MYRIP: variants seen among roughly 807,000 people sequenced by gnomAD.
MYRIP encodes rab effector MyRIP.
A neutral mutation model predicts 98.0 loss-of-function variants in MYRIP; 49 were observed. That is an observed-to-expected ratio of 0.50 (90% CI 0.40 to 0.63). The LOEUF (loss-of-function observed/expected upper bound fraction) is 0.63. Among genes scored for constraint, MYRIP ranks in the 30% least tolerant of loss-of-function variants. MYRIP has a pLI of 0.00. For synonymous variants in MYRIP, 404 were observed against 409.5 expected (o/e 0.99, Z 0.16); for missense variants, 1,004 against 1,058.2 (o/e 0.95, Z 0.71).
chr3:40,079,155 T>C (rs1004375954), intron 3 of MYRIP, among the ~76,000 whole-genome samples: 2 of 152,194 alleles, frequency 1.3e-5, no homozygotes, highest in Non-Finnish European at 2.9e-5. Context: ...TTAAATGTGG[T>C]ACTTAGAAGT....
At chr3:39,989,583 T>A (rs1946119390) in intron 2 of MYRIP, among the ~76,000 whole-genome samples, 1 of 152,226 alleles carries the variant, frequency 6.6e-6, no homozygotes, top group South Asian at 2.1e-4. Context: ...AACCCACACA[T>A]CTGGGCTGCC....
intron 2 of MYRIP, among the ~76,000 whole-genome samples, chr3:39,934,348 CT>C (rs2125702886): frequency 6.6e-6 from 1 of 152,100 alleles, no homozygotes; most frequent in African/African-American, 2.4e-5. Flanking sequence ...CTCTCAGGAC[CT>C]TTTTCTTTAG....
At chr3:39,874,257 T>C (rs570631784) in intron 1 of MYRIP, among the ~76,000 whole-genome samples, 3,722 of 152,184 alleles carry the variant, frequency 0.024, 141 homozygotes, top group African/African-American at 0.083. Context: ...CAATGGGGTT[T>C]TCTAGATATA....
chr3:40,199,841 A>G (rs898745352), intron 10 of MYRIP, among the ~76,000 whole-genome samples: 1 of 152,044 alleles, frequency 6.6e-6, no homozygotes, highest in African/African-American at 2.4e-5. Flanking sequence ...AAGACAAATC[A>G]TAATATGGCT....
chr3:39,815,080 T>C (rs1389830886), intron 1 of MYRIP, among the ~76,000 whole-genome samples: 1 of 152,194 alleles, frequency 6.6e-6, no homozygotes, highest in East Asian at 1.9e-4. Flanking sequence ...ATTTGCAGGG[T>C]ATGCAGCCAT....
intron 2 of MYRIP, among the ~76,000 whole-genome samples, chr3:39,955,277 G>A (rs1945127142): frequency 6.6e-6 from 1 of 152,158 alleles, no homozygotes; most frequent in African/African-American, 2.4e-5. Context: ...CAGCCAGAGA[G>A]AAAGGTCAGG....
chr3:39,902,302 G>T (rs527410296), intron 2 of MYRIP, among the ~76,000 whole-genome samples: 3 of 152,346 alleles, frequency 2.0e-5, no homozygotes, highest in African/African-American at 7.2e-5. Context: ...AAAATGTCAT[G>T]GAAAAGGTCA....
intron 15 of MYRIP, 124 bp downstream of exon 15, chr3:40,250,623 GT>G (rs1953345061): frequency 8.6e-7 from 1 of 1,161,438 alleles, no homozygotes; most frequent in African/African-American, 1.5e-5. Flanking sequence ...AATTGCTCTT[GT>G]CTATCTTGAT....
intron 3 of MYRIP, among the ~76,000 whole-genome samples, chr3:40,140,308 G>A (rs984158086): frequency 6.6e-6 from 1 of 152,216 alleles, no homozygotes; most frequent in Non-Finnish European, 1.5e-5. Context: ...TGTATTGTCA[G>A]TCTTTTTAAT....
chr3:40,191,914 C>T (rs1951221649), intron 10 of MYRIP, among the ~76,000 whole-genome samples: 1 of 152,072 alleles, frequency 6.6e-6, no homozygotes, highest in South Asian at 2.1e-4. Flanking sequence ...CACGTCTCCA[C>T]CTCAACTAGC....
chr3:40,035,794 A>C (rs1316344683), intron 2 of MYRIP, among the ~76,000 whole-genome samples: 1 of 152,064 alleles, frequency 6.6e-6, no homozygotes, highest in Non-Finnish European at 1.5e-5. Flanking sequence ...ATAGGAACCA[A>C]GAAATGAATG....
At chr3:39,822,711 A>G (rs542233862) in intron 1 of MYRIP, among the ~76,000 whole-genome samples, 49 of 152,116 alleles carry the variant, frequency 3.2e-4, no homozygotes, top group Admixed American at 8.5e-4. Context: ...AGCCTCTAGT[A>G]TCCTCTGTTC....
intron 2 of MYRIP, among the ~76,000 whole-genome samples, chr3:40,025,745 A>G (rs1250145197): frequency 6.6e-6 from 1 of 152,086 alleles, no homozygotes; most frequent in Non-Finnish European, 1.5e-5. Context: ...GAGCTGCAAA[A>G]CCAGCAAGTT....
chr3:40,168,834 T>C (rs940786125), intron 7 of MYRIP, among the ~76,000 whole-genome samples: 94 of 152,304 alleles, frequency 6.2e-4, no homozygotes, highest in African/African-American at 2.2e-3. Context: ...GGCTGGGACG[T>C]AGATTCTCCC....
At chr3:39,890,964 T>G (rs1198638193) in intron 1 of MYRIP, among the ~76,000 whole-genome samples, 1 of 152,136 alleles carries the variant, frequency 6.6e-6, no homozygotes, top group Non-Finnish European at 1.5e-5. Flanking sequence ...CAGGAAGCTC[T>G]CTCTGCAGCC....
chr3:39,904,234 TTTGTTTG>T (rs926177317), intron 2 of MYRIP, among the ~76,000 whole-genome samples: 2 of 152,142 alleles, frequency 1.3e-5, no homozygotes, highest in African/African-American at 4.8e-5. Context: ...AGTGTTTTTC[TTTGTTTG>T]TTGTTTGTTT....
chr3:39,942,132 C>T (rs1944799213), intron 2 of MYRIP, among the ~76,000 whole-genome samples: 1 of 152,102 alleles, frequency 6.6e-6, no homozygotes, highest in South Asian at 2.1e-4. Flanking sequence ...TTATGTACAC[C>T]ATAACAATGT....
At chr3:40,125,754 T>C (rs888521224) in intron 3 of MYRIP, among the ~76,000 whole-genome samples, 1 of 152,124 alleles carries the variant, frequency 6.6e-6, no homozygotes, top group African/African-American at 2.4e-5. Context: ...CACACACACG[T>C]CTTCTCACTT....
Position 39,855,578 on chromosome 3 carries a change from T to C in MYRIP, c.-30-45209T>C, listed in dbSNP as rs114102449. Among the ~76,000 whole-genome samples the C allele has an allele frequency of 8.0e-3, 1,217 of 152,178 alleles. 8 individuals are homozygous for C. The highest frequency in any genetic ancestry group is 0.013 in the Non-Finnish European group (907 of 67,998). On this transcript the variant is annotated intron_variant, in intron 1 of 16. Coordinates refer to ENST00000302541, the MANE Select transcript of MYRIP (RefSeq NM_015460.4). ...ATGTTCCAGAGGGGATCATGGCTGC[T>C]TCTGCTATCTCATATGGTTTGCCAG...
Sources: allele counts gnomAD v4.1 joint callset (sites outside exome capture counted in the v4.1 genomes callset), GRCh38; gene constraint gnomAD v4.1.1; transcripts MANE v1.5; gene names NCBI Gene and HGNC (gene_info 2026-07-23, HGNC 2026-07-21).